Variants in PTP4A3 observed in about 807,000 individuals in gnomAD.
PTP4A3 encodes the protein protein tyrosine phosphatase type IVA 3.
A neutral mutation model predicts 15.2 loss-of-function variants in PTP4A3; 9 were observed. The observed-to-expected ratio is 0.59, with a 90% CI of 0.36 to 1.03. The LOEUF (loss-of-function observed/expected upper bound fraction) is 1.03. Ranked by LOEUF, PTP4A3 falls within the 50% of genes least tolerant of loss-of-function variation. The probability of loss-of-function intolerance (pLI) is 0.02; values close to 1 mark genes in which losing one functional copy is unlikely to be tolerated. For synonymous variants in PTP4A3, 95 were observed against 102.0 expected, an observed-to-expected ratio of 0.93 and a Z score of 0.41; for missense variants, 234 against 252.1, an observed-to-expected ratio of 0.93 and a Z score of 0.49.
chr8:141,398,499 G>A lies in PTP4A3; in HGVS notation c.-854+6415G>A, dbSNP rs367569060. ...CAGGAACCAGGGAATGTTCTAGAGT[G>A]AGGTGGTGAGGTGGAGCAGGGCCTG... On this transcript the variant is annotated intron_variant, in intron 1 of 5. Transcript: ENST00000521578. 5.9e-5 allele frequency among the ~76,000 whole-genome samples: 9 copies of A among 152,294 alleles called. No individual in the cohort carries two copies. The East Asian group carries it at 1.7e-3, about 29-fold the overall frequency.
intron 1 of PTP4A3, among the ~76,000 whole-genome samples, chr8:141,418,225 A>T (rs140541597): frequency 1.3e-5 from 2 of 152,218 alleles, no homozygotes; most frequent in South Asian, 4.1e-4. Flanking sequence ...GGCGCAGCTT[A>T]CTTCTCCTGA....
intron 1 of PTP4A3, among the ~76,000 whole-genome samples, chr8:141,411,808 G>T (rs1386794220): frequency 6.6e-6 from 1 of 152,208 alleles, no homozygotes; most frequent in Non-Finnish European, 1.5e-5. Flanking sequence ...TGAGCACAGG[G>T]TGACCGCGCC....
chr8:141,422,110 T>A lies in PTP4A3; in HGVS notation c.-131T>A. 1.2e-6 allele frequency: 1 copy of A among 862,080 alleles called. No homozygotes were observed. The highest frequency in any genetic ancestry group is 1.8e-6 in the Non-Finnish European group (1 of 547,244). The allele number at this position is 862,080 out of a possible 1,614,324, so 53.4% of individuals were successfully genotyped here. On this transcript the variant is annotated 5_prime_UTR_variant, in exon 2 of 6. Coordinates refer to ENST00000521578, the MANE Select transcript of PTP4A3 (RefSeq NM_032611.3). ...CGGGGTATGGGGGTGGGTTTTTAAA[T>A]CTCGTTTCTCTTGGACAAGCACAGG... is the stretch of plus-strand genomic sequence containing the variant.
chr8:141,427,859 G>T (rs758475446), intron 5 of PTP4A3, 35 bp downstream of exon 5: 18 of 1,531,818 alleles, frequency 1.2e-5, no homozygotes, highest in Non-Finnish European at 1.5e-5. Flanking sequence ...GGCTGTGAGC[G>T]CTGGGGGAGG....
In PTP4A3 at chr8:141,421,967, G is replaced by T. The variant is rs368947682; in HGVS notation, c.-274G>T. ...TGCCCGCTTTACTTTGGTTGGGTTG[G>T]GGGGGGCGGCGGGCTGTTTTGTTCC... On this transcript the variant is annotated 5_prime_UTR_variant, in exon 2 of 6. Transcript: ENST00000521578. The T allele has an allele frequency of 1.0e-4, 45 of 431,554 alleles. No individual in the cohort carries two copies. The highest frequency in any genetic ancestry group is 1.3e-4 in the Non-Finnish European group (31 of 243,632). The allele number at this position is 431,554 out of a possible 1,614,324, so 26.7% of individuals were successfully genotyped here. A position where few individuals can be genotyped will look rare whatever the true frequency, so the allele number is the denominator to read the frequency against.
In PTP4A3 at chr8:141,407,234, C is replaced by G. The variant is rs145485185; in HGVS notation, c.-853-14154C>G. Among the ~76,000 whole-genome samples the G allele has an allele frequency of 4.1e-3, 629 of 152,376 alleles. 8 individuals are homozygous for G. Among genetic ancestry groups the G allele is most frequent in the Middle Eastern group, 0.014 (4 of 294 alleles). The stretch of plus-strand genomic sequence containing the variant: ...AGGCCTCCCCACCTCCAGTCCCTCT[C>G]CTGCCCTCTCCATTCCTTCACACAC... On this transcript the variant is annotated intron_variant, in intron 1 of 5. Transcript: ENST00000521578.
At chr8:141,424,772 G>A (rs1476661807) in intron 2 of PTP4A3, among the ~76,000 whole-genome samples, 2 of 152,116 alleles carry the variant, frequency 1.3e-5, no homozygotes, top group African/African-American at 2.4e-5. Context: ...TCGACCAGTA[G>A]TGGAGCCTGA....
intron 1 of PTP4A3, among the ~76,000 whole-genome samples, chr8:141,404,058 C>A (rs1832665834): frequency 6.6e-6 from 1 of 152,286 alleles, no homozygotes; most frequent in Non-Finnish European, 1.5e-5. Context: ...CACAGCCACA[C>A]CCACTCAGCC....
intron 1 of PTP4A3, among the ~76,000 whole-genome samples, chr8:141,418,632 G>A (rs2130075601): frequency 6.6e-6 from 1 of 152,358 alleles, no homozygotes; most frequent in Admixed American, 6.5e-5. Context: ...TTGGTAGCAG[G>A]AGGGAAGGAG....
intron 1 of PTP4A3, among the ~76,000 whole-genome samples, chr8:141,399,708 C>T (rs182446409): frequency 2.6e-5 from 4 of 152,314 alleles, no homozygotes; most frequent in Non-Finnish European, 5.9e-5. Context: ...AATGGATGGA[C>T]GGGGTCCTGG....
At chr8:141,427,701 A>T in intron 4 of PTP4A3, 49 bp from the exon 5 acceptor site, 1 of 1,486,012 alleles carries the variant, frequency 6.7e-7, no homozygotes, top group Non-Finnish European at 9.1e-7. Context: ...TGCCAAGGGG[A>T]CAGGGGTGCG....
chr8:141,401,967 C>T (rs1329327342), intron 1 of PTP4A3, among the ~76,000 whole-genome samples: 2 of 152,206 alleles, frequency 1.3e-5, no homozygotes, highest in African/African-American at 2.4e-5. Context: ...CCAGGGGGGC[C>T]CCGTGATGCC....
chr8:141,425,883 G>GCGTCC lies in PTP4A3; in HGVS notation c.198+746_198+750dup, dbSNP rs768574751. Among the ~76,000 whole-genome samples the GCGTCC allele has an allele frequency of 9.9e-5, 15 of 152,194 alleles. No individual in the cohort carries two copies. Among genetic ancestry groups the GCGTCC allele is most frequent in the Non-Finnish European group, 1.8e-4 (12 of 68,012 alleles). On this transcript the variant is annotated intron_variant, in intron 3 of 5. Transcript: ENST00000521578. The surrounding 1 kb of genome is among the most constrained non-coding windows in gnomAD (Gnocchi z 4.2). Reference sequence around the variant, plus strand: ...TTTGGGGTCAGACAGGCCTTGGGCTGCGTCCCGCCTCTGCCCTCCCCAGCC... The same window carrying GCGTCC: ...TTTGGGGTCAGACAGGCCTTGGGCTGCGTCCCGTCCCGCCTCTGCCCTCCCCAGCC...
chr8:141,395,865 A>C (rs1832439242), intron 1 of PTP4A3, among the ~76,000 whole-genome samples: 1 of 152,158 alleles, frequency 6.6e-6, no homozygotes, highest in Non-Finnish European at 1.5e-5. Context: ...TCTTCCCCAG[A>C]TGTAGGGGTG....
intron 1 of PTP4A3, among the ~76,000 whole-genome samples, chr8:141,393,215 A>G (rs559561092): frequency 6.6e-6 from 1 of 152,226 alleles, no homozygotes; most frequent in East Asian, 1.9e-4. Flanking sequence ...GAGGCCCACA[A>G]AGGTGGAGTT....
intron 2 of PTP4A3, among the ~76,000 whole-genome samples, chr8:141,424,708 C>T (rs1197592237): frequency 2.6e-5 from 4 of 152,108 alleles, no homozygotes; most frequent in African/African-American, 7.2e-5. Flanking sequence ...ACCTTTGCCT[C>T]TGCTGGGTGG....
At chr8:141,410,243 C>G (rs1832834083) in intron 1 of PTP4A3, among the ~76,000 whole-genome samples, 1 of 152,276 alleles carries the variant, frequency 6.6e-6, no homozygotes, top group Admixed American at 6.5e-5. Context: ...CCCCCAGGCT[C>G]CCAGCCAGAC....
At chr8:141,395,537 G>A (rs2129774301) in intron 1 of PTP4A3, among the ~76,000 whole-genome samples, 1 of 149,750 alleles carries the variant, frequency 6.7e-6, no homozygotes, top group Non-Finnish European at 1.5e-5. Flanking sequence ...GGGAACTGGG[G>A]GCCATTGCCC....
At chr8:141,405,877 C>T (rs1832708764) in intron 1 of PTP4A3, among the ~76,000 whole-genome samples, 3 of 152,002 alleles carry the variant, frequency 2.0e-5, no homozygotes, top group African/African-American at 7.3e-5. Flanking sequence ...GCCTCCAGCA[C>T]AGGCAGTGCA....
Sources: allele counts gnomAD v4.1 joint callset (sites outside exome capture counted in the v4.1 genomes callset), GRCh38; gene constraint gnomAD v4.1.1; non-coding constraint Gnocchi (gnomAD v3.1); transcripts MANE v1.5; gene names NCBI Gene and HGNC (gene_info 2026-07-23, HGNC 2026-07-21).